The following VPS13C variants were observed in gnomAD, a reference collection of about 807,000 sequenced individuals.
VPS13C encodes intermembrane lipid transfer protein VPS13C.
Under a neutral mutation model 456.8 loss-of-function variants are expected in VPS13C, and 358 were observed. The observed-to-expected ratio is 0.78, with a 90% confidence interval of 0.72 to 0.86. The LOEUF (loss-of-function observed/expected upper bound fraction) is 0.86. Among genes scored for constraint, VPS13C ranks in the 40% least tolerant of loss-of-function variants. VPS13C has a pLI of 0.00. For synonymous variants in VPS13C, 1,578 were observed against 1,486.7 expected (o/e 1.06, Z -1.41); for missense variants, 4,818 against 4,385.4 (o/e 1.10, Z -2.79).
In VPS13C at chr15:61,890,346, A is replaced by T; in HGVS notation, c.9160T>A (p.Phe3054Ile). The part of the protein sequence containing the change: ...DANIQIHWVS[F>I]LDGRQRVLLF... ...AAAACTCTCTGGCGCCCATCCAGAA[A>T]TGATACCCAGTGTATCTGGATGTTT... Residue 3054 changes from phenylalanine to isoleucine, a missense_variant, in exon 67 of 85, where the codon TTT becomes ATT. Physicochemically the swap from Phe to Ile is conservative, Grantham distance 21. This residue lies in a region of VPS13C where 4,552 missense variants were observed against 4,130.6 expected (regional missense o/e 1.10). Transcript: ENST00000644861. 1 of 1,614,120 alleles carries T rather than the reference A, an allele frequency of 6.2e-7. No homozygotes were observed. The highest frequency in any genetic ancestry group is 8.5e-7 in the Non-Finnish European group (1 of 1,180,034).
intron 5 of VPS13C, 51 bp from the exon 6 acceptor site, chr15:62,028,471 C>T (rs748532209): frequency 3.9e-6 from 6 of 1,527,500 alleles, no homozygotes; most frequent in Non-Finnish European, 5.4e-6. Context: ...TTTAAAGACA[C>T]CTTTAATTTC....
At chr15:61,875,878 C>T in intron 75 of VPS13C, 33 bp from the exon 76 acceptor site, 1 of 1,349,928 alleles carries the variant, frequency 7.4e-7, no homozygotes, top group Non-Finnish European at 1.0e-6. Flanking sequence ...TTAAGTCCTT[C>T]ACAACTATTG....
In VPS13C at chr15:61,854,448, G is replaced by C; in HGVS notation, c.*9C>G. 1 of 1,612,280 alleles carries C rather than the reference G, an allele frequency of 6.2e-7. No homozygotes were observed. The stretch of plus-strand genomic sequence containing the variant: ...TTTTTCTCCCTGTTGGAGCCCCTGA[G>C]GTCTGTGATTAAGATGGCAATTGGG... On this transcript the variant is annotated 3_prime_UTR_variant, in exon 85 of 85. Coordinates refer to ENST00000644861, the MANE Select transcript of VPS13C (RefSeq NM_020821.3).
At chr15:61,921,608 T>A (rs556715345) in intron 55 of VPS13C, among the ~76,000 whole-genome samples, 2 of 152,188 alleles carry the variant, frequency 1.3e-5, no homozygotes, top group South Asian at 4.1e-4. Flanking sequence ...TAAATAACAT[T>A]TTTAATCAAA....
chr15:61,978,619 G>T lies in VPS13C; in HGVS notation c.2290+7C>A, dbSNP rs778782384. 1 of 1,609,826 alleles carries T rather than the reference G, an allele frequency of 6.2e-7. No homozygotes were observed. Among genetic ancestry groups the T allele is most frequent in the Non-Finnish European group, 8.5e-7 (1 of 1,178,274 alleles). On this transcript the variant is annotated splice_region_variant and intron_variant, in intron 23 of 84. Transcript: ENST00000644861. ...CCCAAGATCCTAAAAGCTGAATAACGGTTTACCTGCTCTTGCAAAAAGTAG... is the reference window on the plus strand; with the variant it reads ...CCCAAGATCCTAAAAGCTGAATAACTGTTTACCTGCTCTTGCAAAAAGTAG...
At chr15:62,013,848 A>G (rs1157866369) in intron 10 of VPS13C, 85 bp downstream of exon 10, 1 of 1,026,738 alleles carries the variant, frequency 9.7e-7, no homozygotes, top group Non-Finnish European at 1.5e-6. Context: ...CTCCAATGGC[A>G]TATTCTGCTC....
At chr15:61,945,679 C>A (rs764519071) in intron 45 of VPS13C, 36 bp downstream of exon 45, 16 of 1,506,114 alleles carry the variant, frequency 1.1e-5, no homozygotes, top group Non-Finnish European at 1.4e-5. Context: ...GATATTTAGG[C>A]CTCAGTGAGG....
intron 1 of VPS13C, among the ~76,000 whole-genome samples, chr15:62,059,731 C>G (rs1482401369): frequency 6.6e-6 from 1 of 152,200 alleles, no homozygotes; most frequent in Non-Finnish European, 1.5e-5. Context: ...TCCCTAAGCA[C>G]ACGCCTATCT....
At chr15:61,911,664 T>G (rs939279082) in intron 63 of VPS13C, among the ~76,000 whole-genome samples, 176 bp downstream of exon 63, 8 of 152,194 alleles carry the variant, frequency 5.3e-5, no homozygotes, top group African/African-American at 1.9e-4. Flanking sequence ...TAGTGTATTA[T>G]CAAAACTTTT....
intron 5 of VPS13C, 90 bp from the exon 6 acceptor site, chr15:62,028,510 C>G: frequency 1.6e-6 from 2 of 1,262,506 alleles, no homozygotes; most frequent in Admixed American, 1.9e-5. Context: ...AATTTAATTT[C>G]ATATAATTAG....
At chr15:61,972,382 AAATT>A (rs1180076333) in intron 27 of VPS13C, among the ~76,000 whole-genome samples, 1 of 152,216 alleles carries the variant, frequency 6.6e-6, no homozygotes, top group Non-Finnish European at 1.5e-5. Flanking sequence ...CTTCCAGAAT[AAATT>A]AGATATGCCA....
chr15:61,890,328 T>C lies in VPS13C; in HGVS notation c.9178A>G (p.Arg3060Gly). 6.2e-7 allele frequency: 1 copy of C among 1,614,112 alleles called. No homozygotes were observed. The highest frequency in any genetic ancestry group is 8.5e-7 in the Non-Finnish European group (1 of 1,180,028). ...ACATCATCGGTGAAAAGCAAAACTCTCTGGCGCCCATCCAGAAATGATACC... is the reference window on the plus strand; with the variant it reads ...ACATCATCGGTGAAAAGCAAAACTCCCTGGCGCCCATCCAGAAATGATACC... ...HWVSFLDGRQ[R>G]VLLFTDDVAL... is the part of the protein sequence containing the mutation. The change falls in exon 67 of 85, where the codon AGA becomes GGA. Residue 3060 changes from arginine to glycine, a missense_variant. Physicochemically the swap from Arg to Gly is moderately radical, Grantham distance 125. Around this residue, in one of 3 missense-constraint regions of VPS13C, gnomAD observed 4,552 missense variants for 4,130.6 expected, o/e 1.10. Coordinates refer to ENST00000644861, the MANE Select transcript of VPS13C (RefSeq NM_020821.3).
rs760107681 is a variant in VPS13C at position 61,978,683 on chromosome 15, C to T, written c.2233G>A (p.Ala745Thr). 1.6e-5 allele frequency: 25 copies of T among 1,612,638 alleles called. No homozygotes were observed. Among genetic ancestry groups the T allele is most frequent in the Non-Finnish European group, 2.0e-5 (24 of 1,179,484 alleles). Residue 745 changes from alanine to threonine, a missense_variant, in exon 23 of 85, where the codon GCA becomes ACA. Ala to Thr is a moderately conservative substitution (Grantham distance 58, BLOSUM62 0). This residue lies in a region of VPS13C where 4,552 missense variants were observed against 4,130.6 expected (regional missense o/e 1.10). Transcript: ENST00000644861. Reference sequence around the variant, plus strand: ...ATTTCAACATCAAACTTGTCATATGCCTTATCCATTATTTCTTCCAGAGAT... The same window carrying T: ...ATTTCAACATCAAACTTGTCATATGTCTTATCCATTATTTCTTCCAGAGAT... ...NSSLEEIMDK[A>T]YDKFDVEIKN... is the part of the protein sequence containing the mutation.
intron 16 of VPS13C, among the ~76,000 whole-genome samples, chr15:61,998,785 A>G (rs966567642): frequency 1.3e-5 from 2 of 152,298 alleles, no homozygotes; most frequent in African/African-American, 2.4e-5. Context: ...GAGTACACTT[A>G]TACAAGGATT....
intron 37 of VPS13C, 101 bp from the exon 38 acceptor site, chr15:61,954,655 G>A: frequency 8.4e-7 from 1 of 1,195,780 alleles, no homozygotes; most frequent in South Asian, 1.8e-5. Context: ...TAGAGGCAAT[G>A]AAAATCCACG....
At chr15:61,875,114 A>G (rs561863839) in intron 76 of VPS13C, among the ~76,000 whole-genome samples, 163 bp from the exon 77 acceptor site, 59 of 152,240 alleles carry the variant, frequency 3.9e-4, no homozygotes, top group African/African-American at 1.3e-3. Context: ...TAGAATATCT[A>G]TTGTGTTTGA....
chr15:61,918,114 A>T, intron 59 of VPS13C, 22 bp downstream of exon 59: 1 of 1,559,976 alleles, frequency 6.4e-7, no homozygotes, highest in Non-Finnish European at 8.6e-7. Flanking sequence ...TTTAAAGTTT[A>T]ATACATTTAA....
intron 8 of VPS13C, 72 bp downstream of exon 8, chr15:62,023,339 C>T: frequency 1.1e-6 from 1 of 903,532 alleles, no homozygotes; most frequent in Non-Finnish European, 1.6e-6. Context: ...ACAGATAATC[C>T]ACATATAGAA....
At chr15:61,957,312 T>C (rs919543262) in intron 37 of VPS13C, among the ~76,000 whole-genome samples, 3 of 151,878 alleles carry the variant, frequency 2.0e-5, no homozygotes, top group African/African-American at 7.3e-5. Context: ...GCAGGCAGAG[T>C]GTTGGGTACT....
Sources: gnomAD v4.1 joint callset for allele counts (sites outside exome capture counted in the v4.1 genomes callset) on GRCh38, gnomAD v4.1.1 for gene constraint, gnomAD v4.1.1 regional missense constraint, MANE v1.5 for transcripts, NCBI Gene and HGNC (gene_info 2026-07-23, HGNC 2026-07-21) for gene names.